The following HPX variants were observed in gnomAD, a reference collection of about 807,000 sequenced individuals.
HPX encodes beta-1B-glycoprotein.
A neutral mutation model predicts 53.8 loss-of-function variants in HPX; 42 were observed. The ratio of observed to expected loss-of-function variants is 0.78; its 90% CI spans 0.61 to 1.01. The LOEUF is 1.01. HPX is among the 50% of genes least tolerant of loss of function. The probability of loss-of-function intolerance (pLI) is 0.00; values close to 1 mark genes in which losing one functional copy is unlikely to be tolerated. For missense variants in HPX, 547 were observed against 594.3 expected, an observed-to-expected ratio of 0.92 and a Z score of 0.83; for synonymous variants, 229 against 221.1, an observed-to-expected ratio of 1.04 and a Z score of -0.32.
chr11:6,435,937 C>A (rs949785778), intron 7 of HPX, among the ~76,000 whole-genome samples: 2 of 152,010 alleles, frequency 1.3e-5, no homozygotes, highest in African/African-American at 4.8e-5. Flanking sequence ...TTCCTGTGGC[C>A]CTGTTTTCAC....
At chr11:6,436,235 CAA>C (rs1849415058) in intron 7 of HPX, among the ~76,000 whole-genome samples, 2 of 152,012 alleles carry the variant, frequency 1.3e-5, no homozygotes, top group South Asian at 4.2e-4. Flanking sequence ...GGTCAGGAGC[CAA>C]AAAAATTTTG....
intron 4 of HPX, chr11:6,439,937 G>C (rs544275520): frequency 1.7e-6 from 1 of 582,826 alleles, no homozygotes; most frequent in Non-Finnish European, 3.1e-6. Flanking sequence ...ACAGCAGAGC[G>C]GTGTAGAACT....
intron 7 of HPX, chr11:6,432,248 A>G (rs1420987992): frequency 1.8e-6 from 1 of 568,730 alleles, no homozygotes; most frequent in African/African-American, 1.9e-5. Flanking sequence ...CAAGTGTGGA[A>G]AACAGTGGCT....
chr11:6,438,410 C>A lies in HPX; in HGVS notation c.436G>T (p.Ala146Ser), dbSNP rs1487587586. ...CATTCTCCACGGTGACATTCCACAG[C>A]TGCATCCAGTGGGGATGGGATTCCA... ...FPGIPSPLDA[A>S]VECHRGECQA... is the part of the protein sequence containing the mutation. The change falls in exon 5 of 10, where the codon GCT becomes TCT. Residue 146 changes from alanine to serine, a missense_variant. By Grantham distance (99) the Ala-to-Ser change is moderately conservative (BLOSUM62 1). Coordinates refer to ENST00000265983, the MANE Select transcript of HPX (RefSeq NM_000613.3). 6.2e-6 allele frequency: 10 copies of A among 1,613,980 alleles called. No homozygotes were observed. In the Admixed American group the frequency reaches 1.2e-4, roughly 19 times the overall value.
chr11:6,437,543 G>A lies in HPX; in HGVS notation c.600C>T (p.Cys200=). 6.2e-7 allele frequency: 1 copy of A among 1,614,166 alleles called. No homozygotes were observed. The highest frequency in any genetic ancestry group is 8.5e-7 in the Non-Finnish European group (1 of 1,179,970). ...SALRWLGRYY[C]FQGNQFLRFD... is the part of the protein sequence containing the mutation. ...AGCGCAGGAATTGGTTACCCTGGAA[G>A]CAGTAGTAGCGGCCCAGCCATCTCA... The change falls in exon 6 of 10, where the codon TGC becomes TGT. Residue 200 remains cysteine, a synonymous_variant. Transcript: ENST00000265983.
chr11:6,431,594 AC>A (rs1183284237), intron 9 of HPX, 46 bp downstream of exon 9: 2 of 1,609,874 alleles, frequency 1.2e-6, no homozygotes, highest in South Asian at 2.2e-5. Context: ...TATGCCACAG[AC>A]AGGTAGCAGA....
chr11:6,432,292 G>T (rs1849361586), intron 7 of HPX: 5 of 487,678 alleles, frequency 1.0e-5, no homozygotes, highest in Non-Finnish European at 1.9e-5. Flanking sequence ...CATGGGGTTG[G>T]CGGGCACTCC....
intron 6 of HPX, 65 bp from the exon 7 acceptor site, chr11:6,437,242 G>A (rs1849428341): frequency 1.9e-6 from 3 of 1,552,608 alleles, no homozygotes; most frequent in South Asian, 2.3e-5. Context: ...GGTCCAAGGT[G>A]GAAGAGATGG....
In HPX at chr11:6,431,231, G is replaced by C. The variant is rs1043853879; in HGVS notation, c.1369C>G (p.Leu457Val). ...GCCCCTCAGTGAGTGCAGCCCAGGA[G>C]ACTGGTCACATTCTGGGGTTGCGGA... is the stretch of plus-strand genomic sequence containing the variant. Reference protein sequence around the residue: ...ALPQPQNVTSLLGCTH With the variant: ...ALPQPQNVTSVLGCTH Residue 457 changes from leucine (L) to valine (V), a missense_variant, in exon 10 of 10, where the codon CTC becomes GTC. Leu to Val is a conservative substitution (Grantham distance 32). Coordinates refer to ENST00000265983, the MANE Select transcript of HPX (RefSeq NM_000613.3). 2.5e-6 allele frequency: 4 copies of C among 1,614,124 alleles called. No individual in the cohort carries two copies. The Admixed American group carries it at 5.0e-5, about 20-fold the overall frequency.
Position 6,437,446 on chromosome 11 carries a change from C to T in HPX, c.697G>A (p.Gly233Ser), listed in dbSNP as rs373785532. Residue 233 changes from glycine to serine, a missense_variant, in exon 6 of 10, where the codon GGC becomes AGC. Physicochemically the swap from Gly to Ser is moderately conservative, Grantham distance 56. Coordinates refer to ENST00000265983, the MANE Select transcript of HPX (RefSeq NM_000613.3). ...DVRDYFMPCP[G>S]RGHGHRNGTG... The stretch of plus-strand genomic sequence containing the variant: ...AGTGCTAGGGCTTTCTCACCTCTGC[C>T]AGGGCAGGGCATGAAGTAGTCTCGG... The T allele has an allele frequency of 6.2e-7, 1 of 1,613,166 alleles. No homozygotes were observed. The highest frequency in any genetic ancestry group is 1.3e-5 in the African/African-American group (1 of 74,896).
chr11:6,436,538 A>AGG (rs1849419502), intron 7 of HPX, among the ~76,000 whole-genome samples: 2 of 152,230 alleles, frequency 1.3e-5, no homozygotes, highest in Non-Finnish European at 2.9e-5. Flanking sequence ...AACACTTCTC[A>AGG]GCTGGTTCTC....
chr11:6,438,271 C>T, intron 5 of HPX, 85 bp downstream of exon 5: 2 of 1,373,456 alleles, frequency 1.5e-6, no homozygotes, highest in East Asian at 2.3e-5. Flanking sequence ...TCCACCACCA[C>T]CATCACTACC....
At chr11:6,440,393 C>T in intron 3 of HPX, 74 bp downstream of exon 3, 1 of 1,592,856 alleles carries the variant, frequency 6.3e-7, no homozygotes, top group Non-Finnish European at 8.6e-7. Context: ...CTAAGACCTC[C>T]CACAGACAGG....
chr11:6,431,957 T>A lies in HPX; in HGVS notation c.896A>T (p.His299Leu). The A allele has an allele frequency of 6.2e-7, 1 of 1,614,232 alleles. No homozygotes were observed. The change falls in exon 8 of 10, where the codon CAT becomes CTT. Residue 299 changes from histidine (H) to leucine (L), a missense_variant. His to Leu is a moderately conservative substitution (Grantham distance 99). Transcript: ENST00000265983. ...TGCTGAAGGACCCTGGGGCCACTGATGAGCAATGGGCCAGCTATGCCAGCC... is the reference window on the plus strand; with the variant it reads ...TGCTGAAGGACCCTGGGGCCACTGAAGAGCAATGGGCCAGCTATGCCAGCC... ...RDGWHSWPIA[H>L]QWPQGPSAVD...
At position 6,437,031 on chromosome 11, in the gene HPX, G is replaced by T. The variant is rs757968746; in HGVS notation, c.835+15C>A. 8.7e-6 allele frequency: 14 copies of T among 1,613,120 alleles called. No homozygotes were observed. In the South Asian group the frequency reaches 1.5e-4, roughly 18 times the overall value. Reference sequence around the variant, plus strand: ...GATGTGAGAGCACATTGGGGGAGTTGGGGGCATCTCTCACCACTGAAGGCA... The same window carrying T: ...GATGTGAGAGCACATTGGGGGAGTTTGGGGCATCTCTCACCACTGAAGGCA... On this transcript the variant is annotated intron_variant, in intron 7 of 9. Transcript: ENST00000265983.
At chr11:6,433,042 CCCA>C (rs1029902748) in intron 7 of HPX, among the ~76,000 whole-genome samples, 1 of 152,160 alleles carries the variant, frequency 6.6e-6, no homozygotes, top group African/African-American at 2.4e-5. Flanking sequence ...ATTTCTGCCC[CCCA>C]CCAACACACA....
At chr11:6,435,836 T>G (rs1358730831) in intron 7 of HPX, among the ~76,000 whole-genome samples, 1 of 152,254 alleles carries the variant, frequency 6.6e-6, no homozygotes, top group Non-Finnish European at 1.5e-5. Flanking sequence ...ATTTTTCATT[T>G]AGGAGTTCAG....
chr11:6,440,598 A>AC (rs1849471481), intron 2 of HPX, 60 bp from the exon 3 acceptor site: 1 of 1,135,644 alleles, frequency 8.8e-7, no homozygotes, highest in Non-Finnish European at 1.2e-6. Flanking sequence ...AAAAAAAAAA[A>AC]AAAAACCAGA....
chr11:6,438,490 T>C lies in HPX; in HGVS notation c.356A>G (p.Tyr119Cys). 6.2e-7 allele frequency: 1 copy of C among 1,614,058 alleles called. No individual in the cohort carries two copies. The highest frequency in any genetic ancestry group is 8.5e-7 in the Non-Finnish European group (1 of 1,179,920). The change falls in exon 5 of 10, where the codon TAC becomes TGC. Residue 119 changes from tyrosine to cysteine, a missense_variant. Coordinates refer to ENST00000265983, the MANE Select transcript of HPX (RefSeq NM_000613.3). ...TCCTTTCTCCTTCTTTTCAGGAGGGTATACCCAGACTTTGTCCCCCTGCAT... is the reference window on the plus strand; with the variant it reads ...TCCTTTCTCCTTCTTTTCAGGAGGGCATACCCAGACTTTGTCCCCCTGCAT... ...FLIKGDKVWV[Y>C]PPEKKEKGYP...
Sources: allele counts gnomAD v4.1 joint callset (sites outside exome capture counted in the v4.1 genomes callset), GRCh38; gene constraint gnomAD v4.1.1; transcripts MANE v1.5; gene names NCBI Gene and HGNC (gene_info 2026-07-23, HGNC 2026-07-21).